IL21R: variants seen among roughly 807,000 people sequenced by gnomAD.
The protein encoded by IL21R is interleukin 21 receptor.
A neutral mutation model predicts 41.3 loss-of-function variants in IL21R; 14 were observed. The observed-to-expected ratio is 0.34, with a 90% CI of 0.22 to 0.53. The LOEUF (loss-of-function observed/expected upper bound fraction) is 0.53. Among genes scored for constraint, IL21R ranks in the 20% least tolerant of loss-of-function variants. The pLI is 0.94. For missense variants in IL21R, 588 were observed against 681.6 expected (o/e 0.86, Z 1.53); for synonymous variants, 286 against 287.6 (o/e 0.99, Z 0.05).
At chr16:27,429,426 T>A (rs1268156150) in intron 1 of IL21R, among the ~76,000 whole-genome samples, 3 of 152,142 alleles carry the variant, frequency 2.0e-5, no homozygotes, top group Non-Finnish European at 2.9e-5. Flanking sequence ...CACACAATGC[T>A]ACATCAATAG....
At chr16:27,441,046 CA>C (rs35321284) in intron 4 of IL21R, among the ~76,000 whole-genome samples, 3,284 of 68,350 alleles carry the variant, frequency 0.048, 26 homozygotes, top group African/African-American at 0.11. Flanking sequence ...GATTCTGTCT[CA>C]AAAAAAAAAA....
chr16:27,437,364 G>T, intron 3 of IL21R, 124 bp from the exon 4 acceptor site: 1 of 760,508 alleles, frequency 1.3e-6, no homozygotes, highest in Non-Finnish European at 2.2e-6. Context: ...CCACCCCCCA[G>T]CCCTGCCTCA....
At chr16:27,421,305 T>C (rs1474247742) in intron 1 of IL21R, among the ~76,000 whole-genome samples, 1 of 111,356 alleles carries the variant, frequency 9.0e-6, no homozygotes, top group Non-Finnish European at 1.7e-5. Context: ...CATTTCCCTA[T>C]AAATTTTAGG....
chr16:27,404,394 G>A (rs954672936), intron 1 of IL21R, among the ~76,000 whole-genome samples: 2 of 152,168 alleles, frequency 1.3e-5, no homozygotes, highest in East Asian at 1.9e-4. Flanking sequence ...ACTGGGAGGT[G>A]GGGATTAGAG....
At chr16:27,422,891 C>T (rs2087018550) in intron 1 of IL21R, among the ~76,000 whole-genome samples, 1 of 152,144 alleles carries the variant, frequency 6.6e-6, no homozygotes, top group African/African-American at 2.4e-5. Context: ...TTCTAGCAGA[C>T]ATATAGCATA....
chr16:27,421,709 A>G (rs1055383727), intron 1 of IL21R, among the ~76,000 whole-genome samples: 7 of 152,054 alleles, frequency 4.6e-5, no homozygotes, highest in African/African-American at 1.7e-4. Flanking sequence ...CTTATATTCT[A>G]CAACTAGGCT....
chr16:27,418,957 G>A (rs1041891605), intron 1 of IL21R, among the ~76,000 whole-genome samples: 16 of 150,766 alleles, frequency 1.1e-4, no homozygotes, highest in Middle Eastern at 3.4e-3. Flanking sequence ...GCTCATGCCC[G>A]TAATCCCGGC....
intron 2 of IL21R, among the ~76,000 whole-genome samples, chr16:27,433,995 A>G (rs1347822007): frequency 6.6e-6 from 1 of 152,068 alleles, no homozygotes; most frequent in East Asian, 1.9e-4. Context: ...CATTTAGGAT[A>G]TTGCCATTCT....
At chr16:27,409,083 C>A (rs1596564790) in intron 1 of IL21R, among the ~76,000 whole-genome samples, 3 of 151,702 alleles carry the variant, frequency 2.0e-5, no homozygotes, top group Admixed American at 6.6e-5. Flanking sequence ...TACACTCTTA[C>A]CAGAATATTG....
Position 27,442,968 on chromosome 16 carries a change from C to T in IL21R, c.359C>T (p.Pro120Leu), listed in dbSNP as rs1220183340. The T allele has an allele frequency of 5.1e-6, 8 of 1,580,364 alleles. No homozygotes were observed. Among genetic ancestry groups the T allele is most frequent in the East Asian group, 4.6e-5 (2 of 43,662 alleles). Reference sequence around the variant, plus strand: ...CCTGGGTTTTTCCACCAAGTCAAGCCGGCTCCCCCTTTCAACGTGACTGTG... The same window carrying T: ...CCTGGGTTTTTCCACCAAGTCAAGCTGGCTCCCCCTTTCAACGTGACTGTG... The part of the protein sequence containing the change: ...GSFLLAESIK[P>L]APPFNVTVTF... Residue 120 changes from proline to leucine, a missense_variant, in exon 5 of 9, where the codon CCG becomes CTG. Pro to Leu is a moderately conservative substitution (Grantham distance 98). Coordinates refer to ENST00000337929, the MANE Select transcript of IL21R (RefSeq NM_181078.3).
At chr16:27,405,724 G>A (rs1001597816) in intron 1 of IL21R, among the ~76,000 whole-genome samples, 4 of 143,836 alleles carry the variant, frequency 2.8e-5, no homozygotes, top group South Asian at 4.7e-4. Flanking sequence ...AGGTGCCACC[G>A]CCCCCACTCC....
intron 1 of IL21R, among the ~76,000 whole-genome samples, chr16:27,405,376 T>A (rs2086726566): frequency 7.5e-6 from 1 of 133,242 alleles, no homozygotes; most frequent in South Asian, 2.8e-4. Context: ...CTTTTAGCTA[T>A]GAAAATACAG....
chr16:27,435,255 A>AAAAAC (rs368817590), intron 3 of IL21R, among the ~76,000 whole-genome samples: 1,663 of 152,030 alleles, frequency 0.011, 15 homozygotes, highest in Non-Finnish European at 0.014. Context: ...ATCCCAACTC[A>AAAAAC]AAAACAAAAC....
intron 1 of IL21R, among the ~76,000 whole-genome samples, chr16:27,404,185 CCT>C: frequency 6.6e-6 from 1 of 152,152 alleles, no homozygotes; most frequent in Admixed American, 6.5e-5. Context: ...CAGCGATGCC[CCT>C]GTCCTGCCCG....
chr16:27,438,397 G>A (rs894697393), intron 4 of IL21R, among the ~76,000 whole-genome samples: 1 of 152,152 alleles, frequency 6.6e-6, no homozygotes, highest in African/African-American at 2.4e-5. Flanking sequence ...AGGAGGGCCT[G>A]GTTGGTGGGA....
rs2087536408 is a variant in IL21R at position 27,448,909 on chromosome 16, G to C, written c.1243G>C (p.Glu415Gln). 1.2e-6 allele frequency: 2 copies of C among 1,612,338 alleles called. No individual in the cohort carries two copies. Among genetic ancestry groups the C allele is most frequent in the Non-Finnish European group, 1.7e-6 (2 of 1,179,398 alleles). ...TGGCCTGGAGCCCAGCCCAGGCCTA[G>C]AGGACCCACTCTTGGATGCAGGGAC... is the stretch of plus-strand genomic sequence containing the variant. Reference protein sequence around the residue: ...DAGLEPSPGLEDPLLDAGTTV... With the variant: ...DAGLEPSPGLQDPLLDAGTTV... Residue 415 changes from glutamate (E) to glutamine (Q), a missense_variant, in exon 9 of 9, where the codon GAG becomes CAG. Glu to Gln is a conservative substitution (Grantham distance 29). Transcript: ENST00000337929.
At position 27,442,854 on chromosome 16, in the gene IL21R, G is replaced by C. The variant is rs2087413489; in HGVS notation, c.353-108G>C. ...TCTTCATCTCATCCATGATGGGTCA[G>C]GCATGGAGGCAGGGGTGGGGGCAGG... is the stretch of plus-strand genomic sequence containing the variant. On this transcript the variant is annotated intron_variant, in intron 4 of 8. Transcript: ENST00000337929. The C allele has an allele frequency of 4.0e-6, 4 of 1,012,540 alleles. No individual in the cohort carries two copies. The Admixed American group carries it at 8.8e-5, about 22-fold the overall frequency. The allele number at this position is 1,012,540 out of a possible 1,614,324, so 62.7% of individuals were successfully genotyped here. A position where few individuals can be genotyped will look rare whatever the true frequency, so the allele number is the denominator to read the frequency against.
chr16:27,414,770 T>C (rs1187497184), intron 1 of IL21R, among the ~76,000 whole-genome samples: 1 of 152,204 alleles, frequency 6.6e-6, no homozygotes, highest in Non-Finnish European at 1.5e-5. Context: ...TACTTATTAT[T>C]ATTAGGATCT....
intron 1 of IL21R, among the ~76,000 whole-genome samples, chr16:27,425,986 T>A (rs898890430): frequency 6.6e-6 from 1 of 152,248 alleles, no homozygotes; most frequent in Non-Finnish European, 1.5e-5. Context: ...TGTTGTATTG[T>A]ATTTAGTTTT....
Sources: gnomAD v4.1 joint callset for allele counts (sites outside exome capture counted in the v4.1 genomes callset) on GRCh38, gnomAD v4.1.1 for gene constraint, MANE v1.5 for transcripts, NCBI Gene and HGNC (gene_info 2026-07-23, HGNC 2026-07-21) for gene names.